The following SLC39A10 variants were observed in gnomAD, a reference collection of about 807,000 sequenced individuals.
SLC39A10 encodes zinc transporter ZIP10.
Under a neutral mutation model 65.1 loss-of-function variants are expected in SLC39A10, and 13 were observed. That is an observed-to-expected ratio of 0.20 (90% CI 0.13 to 0.32). SLC39A10 has a LOEUF of 0.32. Ranked by LOEUF, SLC39A10 falls within the 10% of genes least tolerant of loss-of-function variation. SLC39A10 has a pLI of 1.00. For missense variants in SLC39A10, 831 were observed against 1,018.4 expected (o/e 0.82, Z 2.50); for synonymous variants, 321 against 342.2 (o/e 0.94, Z 0.68).
chr2:195,616,181 C>T (rs975688849), intron 2 of SLC39A10, among the ~76,000 whole-genome samples: 5 of 151,974 alleles, frequency 3.3e-5, no homozygotes, highest in Non-Finnish European at 7.4e-5. Flanking sequence ...CTTTGAACTC[C>T]TGACCTCATG....
intron 3 of SLC39A10, among the ~76,000 whole-genome samples, chr2:195,692,171 T>G (rs1202023050): frequency 6.6e-6 from 1 of 152,200 alleles, no homozygotes; most frequent in Non-Finnish European, 1.5e-5. Flanking sequence ...TTGGCTTTAT[T>G]TCTGGTTTCT....
Position 195,680,355 on chromosome 2 carries a change from G to A in SLC39A10, c.313G>A (p.Gly105Ser), listed in dbSNP as rs769848528. The stretch of plus-strand genomic sequence containing the variant: ...AGTTGAGATTAATCATGAGGATCTT[G>A]GCCACGATCATGTTTCTCATTTAGA... ...KVVEINHEDL[G>S]HDHVSHLDIL... Residue 105 changes from glycine to serine, a missense_variant, in exon 2 of 10, where the codon GGC (glycine) becomes AGC (serine). By Grantham distance (56) the Gly-to-Ser change is moderately conservative. Transcript: ENST00000359634. 1 of 1,614,154 alleles carries A rather than the reference G, an allele frequency of 6.2e-7. No homozygotes were observed. Among genetic ancestry groups the A allele is most frequent in the South Asian group, 1.1e-5 (1 of 91,080 alleles).
chr2:195,616,354 T>C (rs1437945531), intron 2 of SLC39A10, among the ~76,000 whole-genome samples: 1 of 152,094 alleles, frequency 6.6e-6, no homozygotes, highest in Non-Finnish European at 1.5e-5. Flanking sequence ...GTCACCAGGC[T>C]GGAGTGCAAT....
Position 195,667,527 on chromosome 2 carries a change from A to G in SLC39A10, c.-12+10246A>G, listed in dbSNP as rs563568698. Among the ~76,000 whole-genome samples the G allele has an allele frequency of 3.9e-5, 6 of 152,324 alleles. No individual in the cohort carries two copies. In the East Asian group the frequency reaches 9.6e-4, roughly 24 times the overall value. On this transcript the variant is annotated intron_variant, in intron 1 of 9. Transcript: ENST00000359634. The stretch of plus-strand genomic sequence containing the variant: ...TGTGCTCTTGTAATATTTTGTTAGC[A>G]TTCTTTCAAAAGAGTCACAACAGAG...
At chr2:195,681,466 A>C (rs1023078038) in intron 2 of SLC39A10, among the ~76,000 whole-genome samples, 2 of 152,164 alleles carry the variant, frequency 1.3e-5, no homozygotes, top group African/African-American at 4.8e-5. Context: ...CAGAGGTTGC[A>C]GTGAGCCGAG....
At chr2:195,734,478 T>C (rs1692523771) in intron 9 of SLC39A10, among the ~76,000 whole-genome samples, 1 of 152,208 alleles carries the variant, frequency 6.6e-6, no homozygotes, top group African/African-American at 2.4e-5. Flanking sequence ...TCTTGCTTTC[T>C]TATTGAGTTT....
chr2:195,721,753 T>G (rs558695848), intron 8 of SLC39A10, among the ~76,000 whole-genome samples: 82 of 152,318 alleles, frequency 5.4e-4, no homozygotes, highest in East Asian at 1.5e-3. Flanking sequence ...GTAATAGACT[T>G]GGATAATCAC....
intron 2 of SLC39A10, among the ~76,000 whole-genome samples, chr2:195,616,535 G>C (rs1688213223): frequency 6.6e-6 from 1 of 151,052 alleles, no homozygotes; most frequent in African/African-American, 2.4e-5. Flanking sequence ...TCGATCTCTT[G>C]ACCTCATGAT....
At chr2:195,701,745 G>A (rs895446779) in intron 3 of SLC39A10, among the ~76,000 whole-genome samples, 12 of 151,992 alleles carry the variant, frequency 7.9e-5, no homozygotes, top group Admixed American at 4.6e-4. Context: ...GCAGTGGCAT[G>A]ATCATGGCTC....
At chr2:195,685,276 T>C (rs1159824217) in intron 3 of SLC39A10, among the ~76,000 whole-genome samples, 1 of 152,230 alleles carries the variant, frequency 6.6e-6, no homozygotes, top group Admixed American at 6.5e-5. Flanking sequence ...GTATCACCTT[T>C]GTGATTTTTC....
chr2:195,616,691 C>T (rs1688217804), intron 2 of SLC39A10, among the ~76,000 whole-genome samples: 1 of 151,546 alleles, frequency 6.6e-6, no homozygotes, highest in Admixed American at 6.6e-5. Context: ...GCAAGCTCCG[C>T]CTCCCAGGTT....
chr2:195,719,693 C>T (rs908715029), intron 8 of SLC39A10, among the ~76,000 whole-genome samples: 1 of 151,604 alleles, frequency 6.6e-6, no homozygotes, highest in Admixed American at 6.6e-5. Context: ...TCTTGACTCA[C>T]TTCAGCCTCT....
rs766913529 is a variant in SLC39A10, at chr2:195,718,224, C to T, written c.2066-28C>T. ...GTGAAGAGTTAAGATCAGCAAACCT[C>T]ACTTGTTTTTTTTCTTATCTTCCTC... On this transcript the variant is annotated intron_variant, in intron 7 of 9. Transcript: ENST00000359634. The T allele has an allele frequency of 3.2e-6, 5 of 1,581,078 alleles. No homozygotes were observed. The African/African-American group carries it at 4.0e-5, about 13-fold the overall frequency.
chr2:195,700,003 A>G (rs1000697479), intron 3 of SLC39A10, among the ~76,000 whole-genome samples: 2 of 151,816 alleles, frequency 1.3e-5, no homozygotes, highest in Non-Finnish European at 2.9e-5. Context: ...ACCTTTTTTG[A>G]TTTAAAAGTC....
intron 2 of SLC39A10, among the ~76,000 whole-genome samples, chr2:195,618,560 T>C (rs1357058609): frequency 1.3e-5 from 2 of 152,232 alleles, no homozygotes; most frequent in Non-Finnish European, 2.9e-5. Flanking sequence ...CGCTTCATGG[T>C]AGGCATGGCC....
intron 3 of SLC39A10, among the ~76,000 whole-genome samples, chr2:195,700,271 A>G (rs979665887): frequency 1.3e-5 from 2 of 152,130 alleles, no homozygotes; most frequent in Admixed American, 6.6e-5. Context: ...GTTTTTCTGT[A>G]TGCCTTAATG....
intron 2 of SLC39A10, among the ~76,000 whole-genome samples, chr2:195,614,036 T>C (rs951872732): frequency 1.3e-5 from 2 of 152,352 alleles, no homozygotes; most frequent in African/African-American, 2.4e-5. Context: ...TGACAGTCTC[T>C]AGTCTCTAGT....
chr2:195,698,970 G>A (rs1383724658), intron 3 of SLC39A10, among the ~76,000 whole-genome samples: 1 of 151,850 alleles, frequency 6.6e-6, no homozygotes, highest in Non-Finnish European at 1.5e-5. Context: ...TTCTGATTCA[G>A]TCTTACCAGT....
intron 3 of SLC39A10, among the ~76,000 whole-genome samples, chr2:195,685,677 T>C (rs1474052610): frequency 6.6e-6 from 1 of 152,200 alleles, no homozygotes; most frequent in Non-Finnish European, 1.5e-5. Context: ...TGGGTAAACT[T>C]AGTGACCATC....
Sources: gnomAD v4.1 joint callset for allele counts (sites outside exome capture counted in the v4.1 genomes callset) on GRCh38, gnomAD v4.1.1 for gene constraint, MANE v1.5 for transcripts, NCBI Gene and HGNC (gene_info 2026-07-23, HGNC 2026-07-21) for gene names.